The following LRRC4C variants were observed in gnomAD, a reference collection of about 807,000 sequenced individuals.
LRRC4C encodes leucine-rich repeat-containing protein 4C.
In LRRC4C, 5 loss-of-function variants were observed where a neutral mutation model predicts 33.6. The ratio of observed to expected loss-of-function variants is 0.15; its 90% CI spans 0.08 to 0.31. LRRC4C has a LOEUF of 0.31. Among genes scored for constraint, LRRC4C ranks in the 10% least tolerant of loss-of-function variants. The probability of loss-of-function intolerance (pLI) is 1.00; values close to 1 mark genes in which losing one functional copy is unlikely to be tolerated. For synonymous variants in LRRC4C, 329 were observed against 302.0 expected (o/e 1.09, Z -0.93); for missense variants, 560 against 796.7 (o/e 0.70, Z 3.58).
chr11:40,354,153 G>T (rs558255776), intron 3 of LRRC4C, among the ~76,000 whole-genome samples: 1 of 152,164 alleles, frequency 6.6e-6, no homozygotes, highest in Non-Finnish European at 1.5e-5. Context: ...AGATCCATGA[G>T]AATTCCCTGA....
chr11:40,746,648 A>G (rs1948438715), intron 2 of LRRC4C, among the ~76,000 whole-genome samples: 1 of 152,140 alleles, frequency 6.6e-6, no homozygotes, highest in Non-Finnish European at 1.5e-5. Flanking sequence ...GGACCTGAGT[A>G]AAAGCCTAAA....
chr11:41,185,515 A>G (rs1945654850), intron 1 of LRRC4C, among the ~76,000 whole-genome samples: 1 of 152,176 alleles, frequency 6.6e-6, no homozygotes, highest in Admixed American at 6.5e-5. Flanking sequence ...ACCTCACCCT[A>G]TATCAGGTCT....
At chr11:40,260,216 A>T (rs1480375537) in intron 4 of LRRC4C, among the ~76,000 whole-genome samples, 2 of 122,928 alleles carry the variant, frequency 1.6e-5, no homozygotes, top group Non-Finnish European at 3.4e-5. Flanking sequence ...ATGGAATACT[A>T]TGCAGCCATA....
chr11:40,967,909 C>T (rs1400739109), intron 1 of LRRC4C, among the ~76,000 whole-genome samples: 1 of 151,608 alleles, frequency 6.6e-6, no homozygotes, highest in African/African-American at 2.4e-5. Flanking sequence ...AATAAGCTAC[C>T]AATCGCTTAC....
intron 1 of LRRC4C, among the ~76,000 whole-genome samples, chr11:40,949,604 T>C: frequency 6.6e-6 from 1 of 152,018 alleles, no homozygotes. Flanking sequence ...GAATTTCATA[T>C]CCAGCCAAAC....
chr11:40,762,459 G>T (rs1591651114), intron 2 of LRRC4C, among the ~76,000 whole-genome samples: 1 of 152,098 alleles, frequency 6.6e-6, no homozygotes, highest in South Asian at 2.1e-4. Context: ...TTAATTTAGA[G>T]CACCTAGTGT....
chr11:41,320,141 A>T (rs1247637217), intron 1 of LRRC4C, among the ~76,000 whole-genome samples: 1 of 152,210 alleles, frequency 6.6e-6, no homozygotes. Context: ...AATCCAATTT[A>T]TATAGTTATT....
intron 1 of LRRC4C, among the ~76,000 whole-genome samples, chr11:41,002,406 T>C (rs180695716): frequency 6.6e-6 from 1 of 152,308 alleles, no homozygotes; most frequent in Non-Finnish European, 1.5e-5. Flanking sequence ...ATCCTTCTGC[T>C]GAGCAGCTCC....
intron 3 of LRRC4C, among the ~76,000 whole-genome samples, chr11:40,616,953 G>A (rs1374684676): frequency 6.6e-6 from 1 of 150,968 alleles, no homozygotes; most frequent in Non-Finnish European, 1.5e-5. Flanking sequence ...AGAATATCAT[G>A]TTTTATTTTG....
chr11:40,464,267 A>C (rs1952547649), intron 3 of LRRC4C, among the ~76,000 whole-genome samples: 1 of 152,116 alleles, frequency 6.6e-6, no homozygotes, highest in African/African-American at 2.4e-5. Flanking sequence ...AAAATTGATA[A>C]AATTCAGCAT....
intron 2 of LRRC4C, among the ~76,000 whole-genome samples, chr11:40,759,412 C>T (rs573464539): frequency 6.6e-6 from 1 of 151,554 alleles, no homozygotes; most frequent in Non-Finnish European, 1.5e-5. Context: ...ATACCCTAAA[C>T]CATGTGACAT....
intron 1 of LRRC4C, among the ~76,000 whole-genome samples, chr11:40,984,447 AAGAC>A (rs374377395): frequency 2.8e-4 from 42 of 151,322 alleles, no homozygotes; most frequent in African/African-American, 5.4e-4. Context: ...GAAAGAAAGA[AAGAC>A]AGACAGACAT....
At chr11:41,356,097 C>T (rs1344527000) in intron 1 of LRRC4C, among the ~76,000 whole-genome samples, 1 of 152,104 alleles carries the variant, frequency 6.6e-6, no homozygotes, top group African/African-American at 2.4e-5. Flanking sequence ...TAGCTCCCAA[C>T]AGTATGTGAT....
At chr11:40,653,422 C>A (rs891153324) in intron 2 of LRRC4C, among the ~76,000 whole-genome samples, 1 of 152,166 alleles carries the variant, frequency 6.6e-6, no homozygotes, top group African/African-American at 2.4e-5. Context: ...GTCACTCTTG[C>A]TATGCTTTAG....
chr11:40,514,719 T>C (rs927197954), intron 3 of LRRC4C, among the ~76,000 whole-genome samples: 2 of 151,940 alleles, frequency 1.3e-5, no homozygotes, highest in Non-Finnish European at 2.9e-5. Flanking sequence ...GTTCTCTCTC[T>C]CCTCCCCACT....
chr11:40,585,013 A>C (rs1032224804), intron 3 of LRRC4C, among the ~76,000 whole-genome samples: 3 of 152,080 alleles, frequency 2.0e-5, no homozygotes, highest in African/African-American at 7.2e-5. Flanking sequence ...GGCAGATGAG[A>C]TATGACAGAT....
At chr11:40,125,384 G>T (rs1161497794) in intron 6 of LRRC4C, among the ~76,000 whole-genome samples, 3 of 152,120 alleles carry the variant, frequency 2.0e-5, no homozygotes, top group East Asian at 1.9e-4. Flanking sequence ...AAAATGGAAA[G>T]AACTTATATC....
chr11:41,413,619 C>T (rs1452115728), intron 1 of LRRC4C, among the ~76,000 whole-genome samples: 6 of 152,164 alleles, frequency 3.9e-5, no homozygotes, highest in Admixed American at 3.9e-4. Flanking sequence ...TTGAGTCCTT[C>T]TTGGAAAGCT....
rs75867269 is a variant in LRRC4C, at chr11:40,150,367, C to T, written c.-95-9514G>A. ...ACATACTTCAGAGAGCTAGGCCTTG[C>T]AGGCCAGGTAAAGCAATTTCTTTGT... On this transcript the variant is annotated intron_variant, in intron 5 of 6. Coordinates refer to ENST00000528697, the MANE Select transcript of LRRC4C (RefSeq NM_001258419.2). Among the ~76,000 whole-genome samples the T allele has an allele frequency of 4.8e-3, 729 of 152,336 alleles. 6 individuals are homozygous for T. Among genetic ancestry groups the T allele is most frequent in the African/African-American group, 0.016 (683 of 41,572 alleles).
Sources: allele counts gnomAD v4.1 joint callset (sites outside exome capture counted in the v4.1 genomes callset), GRCh38; gene constraint gnomAD v4.1.1; transcripts MANE v1.5; gene names NCBI Gene and HGNC (gene_info 2026-07-23, HGNC 2026-07-21).